Variants in DDX18 observed in about 807,000 individuals in gnomAD.
DDX18 encodes the protein ATP-dependent RNA helicase DDX18.
DDX18 carries 23 observed loss-of-function variants against 73.5 expected under a neutral mutation model. That is an observed-to-expected ratio of 0.31 (90% confidence interval 0.23 to 0.44). The LOEUF (loss-of-function observed/expected upper bound fraction) is 0.44, where lower values mean the gene tolerates loss of function less well. Among genes scored for constraint, DDX18 ranks in the 20% least tolerant of loss-of-function variants. DDX18 has a pLI of 1.00. For synonymous variants in DDX18, 268 were observed against 282.7 expected, an observed-to-expected ratio of 0.95 and a Z score of 0.52; for missense variants, 753 against 792.9, an observed-to-expected ratio of 0.95 and a Z score of 0.60.
chr2:117,819,583 G>C (rs1573409747), intron 2 of DDX18, 66 bp from the exon 3 acceptor site: 1 of 1,341,732 alleles, frequency 7.5e-7, no homozygotes, highest in Admixed American at 2.9e-5. Flanking sequence ...TCTTCTGTTT[G>C]TTGATCTCAT....
At position 117,831,054 on chromosome 2, in the gene DDX18, T is replaced by C; in HGVS notation, c.*330T>C. On this transcript the variant is annotated 3_prime_UTR_variant, in exon 14 of 14. Coordinates refer to ENST00000263239, the MANE Select transcript of DDX18 (RefSeq NM_006773.4). ...ATATAATTCTTTTTGTACCTTTCCT[T>C]CTTGTTTTGCGAAGATTTTTGTGGC... 1 of 236,618 alleles carries C rather than the reference T, an allele frequency of 4.2e-6. No homozygotes were observed. Among genetic ancestry groups the C allele is most frequent in the South Asian group, 6.7e-5 (1 of 14,994 alleles). The allele number at this position is 236,618 out of a possible 1,614,324, so 14.7% of individuals were successfully genotyped here.
chr2:117,819,868 C>T, intron 3 of DDX18, 76 bp downstream of exon 3: 1 of 1,322,724 alleles, frequency 7.6e-7, no homozygotes, highest in Non-Finnish European at 9.8e-7. Context: ...TTTGAAGGTT[C>T]AGTTGTGACT....
intron 12 of DDX18, 95 bp downstream of exon 12, chr2:117,829,100 T>C (rs1679979562): frequency 8.1e-7 from 1 of 1,233,742 alleles, no homozygotes; most frequent in Non-Finnish European, 1.2e-6. Flanking sequence ...CTTTGAAGTC[T>C]ACCCTGTCCT....
rs751247288 is a variant in DDX18, at chr2:117,829,337, G to A, written c.1741G>A (p.Glu581Lys). 1 of 1,612,532 alleles carries A rather than the reference G, an allele frequency of 6.2e-7. No individual in the cohort carries two copies. Among genetic ancestry groups the A allele is most frequent in the Non-Finnish European group, 8.5e-7 (1 of 1,179,484 alleles). ...KNYFLHKSAQ[E>K]AYKSYIRAYD... ...TTACTTTCTTCATAAGTCAGCCCAG[G>A]AAGCATATAAGTCATACATACGAGC... The change falls in exon 13 of 14, where the codon GAA (glutamate) becomes AAA (lysine). Residue 581 changes from glutamate to lysine, a missense_variant. Glu to Lys is a moderately conservative substitution (Grantham distance 56). Transcript: ENST00000263239.
Position 117,829,432 on chromosome 2 carries a change from A to G in DDX18, c.1836A>G (p.Ser612=), listed in dbSNP as rs759115991. The part of the protein sequence containing the change: ...NNLNLPQVAL[S]FGFKVPPFVD... ...TAAATTTGCCTCAGGTTGCTCTGTC[A>G]TTTGGTTTCAAGGTGCCTCCCTTCG... Residue 612 remains serine, a synonymous_variant, in exon 13 of 14, where the codon TCA becomes TCG. Transcript: ENST00000263239. 5.0e-6 allele frequency: 8 copies of G among 1,612,270 alleles called. No individual in the cohort carries two copies. Among genetic ancestry groups the G allele is most frequent in the Non-Finnish European group, 6.8e-6 (8 of 1,179,602 alleles).
chr2:117,814,749 C>T lies in DDX18; in HGVS notation c.-29C>T. On this transcript the variant is annotated 5_prime_UTR_variant, in exon 1 of 14. Coordinates refer to ENST00000263239, the MANE Select transcript of DDX18 (RefSeq NM_006773.4). ...AGAACTGAGTAGCTGTACTGTGTGG[C>T]GCCTTATTCTAGGCACTTGTTGGGC... 6 of 1,610,548 alleles carry T rather than the reference C, an allele frequency of 3.7e-6. No homozygotes were observed. Among genetic ancestry groups the T allele is most frequent in the Non-Finnish European group, 5.1e-6 (6 of 1,176,798 alleles).
rs775646604 is a variant in DDX18, at chr2:117,817,444, G to C, written c.86G>C (p.Gly29Ala). 4 of 1,593,660 alleles carry C rather than the reference G, an allele frequency of 2.5e-6. No homozygotes were observed. In the African/African-American group the frequency reaches 5.5e-5, roughly 22 times the overall value. The change falls in exon 2 of 14, where the codon GGG becomes GCG. Residue 29 changes from glycine to alanine, a missense_variant and splice_region_variant. Around this residue, in one of 3 missense-constraint regions of DDX18, gnomAD observed 345 missense variants for 352.0 expected, o/e 0.98. Coordinates refer to ENST00000263239, the MANE Select transcript of DDX18 (RefSeq NM_006773.4). ...GTATATGTTCTGTTTATTTAAACAG[G>C]GGCCTCAAATCTGACCCTATCGGAA... The part of the protein sequence containing the change: ...KLRQRNLKFQ[G>A]ASNLTLSETQ...
At chr2:117,824,741 A>T in intron 8 of DDX18, 33 bp downstream of exon 8, 1 of 1,471,102 alleles carries the variant, frequency 6.8e-7, no homozygotes, top group Non-Finnish European at 9.0e-7. Flanking sequence ...AACTGTAGGG[A>T]TCTTACTTGG....
In DDX18 at chr2:117,831,866, TAGC is replaced by T. The variant is rs2104629297; in HGVS notation, c.*1145_*1147del. 1 of 152,380 alleles carries T rather than the reference TAGC, an allele frequency of 6.6e-6. No homozygotes were observed. The highest frequency in any genetic ancestry group is 2.4e-5 in the African/African-American group (1 of 41,594). 9.4% of individuals were successfully genotyped at this position (152,380 alleles called of 1,614,324 possible). ...TATAACTACAAGATAGTACATTTTG[TAGC>T]AGTTCAAAGCCAAAGTTGCTAGCAT... On this transcript the variant is annotated 3_prime_UTR_variant, in exon 14 of 14. Coordinates refer to ENST00000263239, the MANE Select transcript of DDX18 (RefSeq NM_006773.4).
At position 117,831,993 on chromosome 2, in the gene DDX18, G is replaced by T. The variant is rs767322511; in HGVS notation, c.*1269G>T. The T allele has an allele frequency of 6.6e-6, 1 of 152,244 alleles. No homozygotes were observed. Among genetic ancestry groups the T allele is most frequent in the Non-Finnish European group, 1.5e-5 (1 of 68,030 alleles). 9.4% of individuals were successfully genotyped at this position (152,244 alleles called of 1,614,324 possible). ...GGTAAAGAACATTCCAGTAGGAAAA[G>T]AAAAGAACAATCTTCCATTTCTGGG... On this transcript the variant is annotated 3_prime_UTR_variant, in exon 14 of 14. Coordinates refer to ENST00000263239, the MANE Select transcript of DDX18 (RefSeq NM_006773.4).
chr2:117,822,054 A>T lies in DDX18; in HGVS notation c.944A>T (p.His315Leu). 1 of 1,614,048 alleles carries T rather than the reference A, an allele frequency of 6.2e-7. No individual in the cohort carries two copies. The highest frequency in any genetic ancestry group is 8.5e-7 in the Non-Finnish European group (1 of 1,179,934). ...GCCACACCAGGCCGTCTGCTGGACC[A>T]TATGCAGGTAAGAGATGTAGTGCTT... ...IVATPGRLLDHMQNTPGFMYK... is the reference protein window; with the variant it reads ...IVATPGRLLDLMQNTPGFMYK... The change falls in exon 6 of 14, where the codon CAT becomes CTT. Residue 315 changes from histidine to leucine, a missense_variant. Transcript: ENST00000263239.
chr2:117,822,275 A>G lies in DDX18; in HGVS notation c.1066+14A>G. ...AACTTTTGCCAAGTAAGTAGGTAGC[A>G]TCTGCATTTGGTTTGCAAAGTATCT... On this transcript the variant is annotated intron_variant, in intron 7 of 13. Transcript: ENST00000263239. 2 of 1,596,922 alleles carry G rather than the reference A, an allele frequency of 1.3e-6. No individual in the cohort carries two copies. The highest frequency in any genetic ancestry group is 1.7e-6 in the Non-Finnish European group (2 of 1,166,776).
At chr2:117,825,232 C>A in intron 9 of DDX18, 131 bp downstream of exon 9, 1 of 1,305,672 alleles carries the variant, frequency 7.7e-7, no homozygotes, top group Non-Finnish European at 1.1e-6. Context: ...ATGATGGATC[C>A]TGTGTGGGGG....
intron 2 of DDX18, 129 bp downstream of exon 2, chr2:117,817,857 C>CTACCAGGCTAATCT: frequency 1.1e-6 from 1 of 921,758 alleles, no homozygotes; most frequent in Non-Finnish European, 1.5e-6. Flanking sequence ...TAGAGATTAG[C>CTACCAGGCTAATCT]CTGGTAGCTA....
In DDX18 at chr2:117,829,311, A is replaced by G; in HGVS notation, c.1715A>G (p.Asn572Ser). Residue 572 changes from asparagine (N) to serine (S), a missense_variant, in exon 13 of 14, where the codon AAT (asparagine) becomes AGT (serine). By Grantham distance (46) the Asn-to-Ser change is conservative (BLOSUM62 1). Coordinates refer to ENST00000263239, the MANE Select transcript of DDX18 (RefSeq NM_006773.4). ...CAGCTTGAGAAATTGATTGAAAAGA[A>G]TTACTTTCTTCATAAGTCAGCCCAG... ...QSQLEKLIEK[N>S]YFLHKSAQEA... The G allele has an allele frequency of 1.3e-6, 2 of 1,597,704 alleles. No homozygotes were observed. Among genetic ancestry groups the G allele is most frequent in the Non-Finnish European group, 1.7e-6 (2 of 1,174,818 alleles).
intron 9 of DDX18, 92 bp from the exon 10 acceptor site, chr2:117,825,355 T>C: frequency 1.5e-6 from 1 of 673,174 alleles, no homozygotes; most frequent in Non-Finnish European, 2.2e-6. Context: ...AGGGATGAGC[T>C]CGAAATAGGG....
At chr2:117,814,933 G>T (rs904638764) in intron 1 of DDX18, 71 bp downstream of exon 1, 2 of 1,497,022 alleles carry the variant, frequency 1.3e-6, no homozygotes, top group Non-Finnish European at 1.9e-6. Context: ...GCGGCCGGGG[G>T]CCCAGCTGCT....
At position 117,831,020 on chromosome 2, in the gene DDX18, A is replaced by C; in HGVS notation, c.*296A>C. 3.2e-6 allele frequency: 1 copy of C among 309,444 alleles called. No individual in the cohort carries two copies. Among genetic ancestry groups the C allele is most frequent in the Non-Finnish European group, 5.9e-6 (1 of 170,150 alleles). 19.2% of individuals were successfully genotyped at this position (309,444 alleles called of 1,614,324 possible). ...TCCCTCCCTCATACAAGTGTATGTT[A>C]CCATTTTAATATAATTCTTTTTGTA... On this transcript the variant is annotated 3_prime_UTR_variant, in exon 14 of 14. Coordinates refer to ENST00000263239, the MANE Select transcript of DDX18 (RefSeq NM_006773.4).
intron 12 of DDX18, 101 bp downstream of exon 12, chr2:117,829,106 G>A: frequency 8.3e-7 from 1 of 1,204,534 alleles, no homozygotes; most frequent in Non-Finnish European, 1.2e-6. Context: ...AGTCTACCCT[G>A]TCCTAAAGTG....
Sources: allele counts gnomAD v4.1 joint callset, GRCh38; gene constraint gnomAD v4.1.1; regional missense constraint gnomAD v4.1.1; transcripts MANE v1.5; gene names NCBI Gene and HGNC (gene_info 2026-07-23, HGNC 2026-07-21).